Variants in ARHGEF6 observed in about 807,000 individuals in gnomAD.
ARHGEF6 encodes rho guanine nucleotide exchange factor 6.
In ARHGEF6, 9 loss-of-function variants were observed where a neutral mutation model predicts 70.3. That is an observed-to-expected ratio of 0.13 (90% confidence interval 0.08 to 0.22). ARHGEF6 has a LOEUF of 0.22. Among genes scored for constraint, ARHGEF6 ranks in the 10% least tolerant of loss-of-function variants. ARHGEF6 has a pLI of 1.00. For synonymous variants in ARHGEF6, 201 were observed against 207.8 expected (o/e 0.97, Z 0.28); for missense variants, 470 against 563.0 (o/e 0.83, Z 1.67).
At chrX:136,769,063 T>C (rs1383303706) in intron 2 of ARHGEF6, among the ~76,000 whole-genome samples, 3 of 111,010 alleles carry the variant, frequency 2.7e-5, no homozygotes, top group East Asian at 2.8e-4. Flanking sequence ...TAAGTACTAA[T>C]TGAATCTCAT....
At chrX:136,695,088 A>C (rs2076497333) in intron 9 of ARHGEF6, among the ~76,000 whole-genome samples, 3 of 112,152 alleles carry the variant, frequency 2.7e-5, no homozygotes, top group Admixed American at 1.9e-4. Flanking sequence ...TTCAGCTGAA[A>C]TCTTCATCTA....
chrX:136,680,393 C>T (rs1288493577), intron 15 of ARHGEF6, among the ~76,000 whole-genome samples: 1 of 112,402 alleles, frequency 8.9e-6, no homozygotes, highest in Non-Finnish European at 1.9e-5. Context: ...ACTTAGCCCA[C>T]TGTTAGTAGG....
At chrX:136,771,536 A>G (rs1229657982) in intron 2 of ARHGEF6, among the ~76,000 whole-genome samples, 1 of 112,507 alleles carries the variant, frequency 8.9e-6, no homozygotes, top group Non-Finnish European at 1.9e-5. Context: ...TATGCAAAAG[A>G]ATGAATTTGG....
rs34077217 is a variant in ARHGEF6 at position 136,681,784 on chromosome X, T to C, written c.1558+106A>G. Reference sequence around the variant, plus strand: ...ATACTTTGCCATGCCCGCATAAAATTTGCTCGTGGCCTATGTAACAGGAAA... The same window carrying C: ...ATACTTTGCCATGCCCGCATAAAATCTGCTCGTGGCCTATGTAACAGGAAA... On this transcript the variant is annotated intron_variant, in intron 14 of 21. Coordinates refer to ENST00000250617, the MANE Select transcript of ARHGEF6 (RefSeq NM_004840.3). 4,634 of 696,023 alleles carry C rather than the reference T, an allele frequency of 6.7e-3. 25 individuals are homozygous for C. Among genetic ancestry groups the C allele is most frequent in the Non-Finnish European group, 9.5e-3 (4,178 of 441,504 alleles). 57.4% of individuals were successfully genotyped at this position (696,023 alleles called of 1,213,427 possible).
intron 2 of ARHGEF6, among the ~76,000 whole-genome samples, chrX:136,753,585 G>C (rs1233324108): frequency 2.7e-5 from 3 of 111,395 alleles, no homozygotes; most frequent in African/African-American, 9.8e-5. Flanking sequence ...CTCATAAAAG[G>C]CCAATGCATA....
At chrX:136,735,539 T>C (rs1441252858) in intron 5 of ARHGEF6, among the ~76,000 whole-genome samples, 2 of 111,311 alleles carry the variant, frequency 1.8e-5, no homozygotes, top group Non-Finnish European at 3.8e-5. Context: ...GGTGGTGTTC[T>C]AAGGCAATGA....
intron 2 of ARHGEF6, among the ~76,000 whole-genome samples, chrX:136,775,369 C>G (rs185496656): frequency 1.2e-3 from 129 of 111,827 alleles, no homozygotes; most frequent in Admixed American, 3.6e-3. Context: ...GGTTTCATAC[C>G]AGGGATGCAG....
At chrX:136,701,391 C>T (rs1476859041) in intron 9 of ARHGEF6, among the ~76,000 whole-genome samples, 1 of 111,612 alleles carries the variant, frequency 9.0e-6, no homozygotes, top group African/African-American at 3.3e-5. Context: ...GGGAAAAACA[C>T]CTTACCTGTA....
At chrX:136,707,161 A>G in intron 8 of ARHGEF6, 131 bp from the exon 9 acceptor site, 1 of 812,765 alleles carries the variant, frequency 1.2e-6, no homozygotes, top group Non-Finnish European at 1.8e-6. Flanking sequence ...AAACTATATT[A>G]TAACCATTTT....
At chrX:136,775,496 TCCCTTTATGATTAAAAC>T (rs2077397452) in intron 2 of ARHGEF6, among the ~76,000 whole-genome samples, 1 of 111,737 alleles carries the variant, frequency 8.9e-6, no homozygotes, top group Non-Finnish European at 1.9e-5. Flanking sequence ...AAATCCAGCA[TCCCTTTATGATTAAAAC>T]CCTCCACAAA....
rs761517569 is a variant in ARHGEF6 at position 136,681,869 on chromosome X, GAA to G, written c.1558+19_1558+20del. 6.9e-5 allele frequency: 80 copies of G among 1,160,948 alleles called. 1 individual carries two copies. Among genetic ancestry groups the G allele is most frequent in the Non-Finnish European group, 9.0e-5 (77 of 850,845 alleles). On this transcript the variant is annotated intron_variant, in intron 14 of 21. Transcript: ENST00000250617. ...CAAAAAGAATTGGAAGTAGTTACATGAAAAAGAGAAAATTACCTACCAGTGAT... is the reference window on the plus strand; with the variant it reads ...CAAAAAGAATTGGAAGTAGTTACATGAAAGAGAAAATTACCTACCAGTGAT...
Position 136,666,386 on chromosome X carries a change from C to T in ARHGEF6, c.*1643G>A, listed in dbSNP as rs2076161588. On this transcript the variant is annotated 3_prime_UTR_variant, in exon 22 of 22. Coordinates refer to ENST00000250617, the MANE Select transcript of ARHGEF6 (RefSeq NM_004840.3). ...TTTGTTTTTTCAGAGACAGAGGTGT[C>T]TCTCTGTTACCTAGGTTGGAGTGCA... is the stretch of plus-strand genomic sequence containing the variant. The T allele has an allele frequency of 8.9e-6, 1 of 111,799 alleles. No homozygotes were observed. The highest frequency in any genetic ancestry group is 1.9e-5 in the Non-Finnish European group (1 of 53,119). 9.2% of individuals were successfully genotyped at this position (111,799 alleles called of 1,213,427 possible).
At chrX:136,764,634 T>C (rs1281874549) in intron 2 of ARHGEF6, among the ~76,000 whole-genome samples, 1 of 111,095 alleles carries the variant, frequency 9.0e-6, no homozygotes, top group Non-Finnish European at 1.9e-5. Context: ...TGCCCCTTGG[T>C]GAGGCATAGT....
chrX:136,703,700 T>C lies in ARHGEF6; in HGVS notation c.1046+3208A>G, dbSNP rs189081414. 7.9e-4 allele frequency among the ~76,000 whole-genome samples: 88 copies of C among 111,972 alleles called. 1 individual carries two copies. Among genetic ancestry groups the C allele is most frequent in the African/African-American group, 2.8e-3 (86 of 30,859 alleles). The stretch of plus-strand genomic sequence containing the variant: ...AGCATGCCCAGCTAATTTTGTATTT[T>C]TAGTAGAGATGGGGTTTCTCCATGT... On this transcript the variant is annotated intron_variant, in intron 9 of 21. Coordinates refer to ENST00000250617, the MANE Select transcript of ARHGEF6 (RefSeq NM_004840.3).
Position 136,758,031 on chromosome X carries a change from C to CTTTTTTTTTTTTTTTTTTT in ARHGEF6, c.250-10458_250-10440dup, listed in dbSNP as rs1164537601. 9.3e-4 allele frequency among the ~76,000 whole-genome samples: 13 copies of CTTTTTTTTTTTTTTTTTTT among 14,032 alleles called. 5 individuals carry two copies. Among genetic ancestry groups the CTTTTTTTTTTTTTTTTTTT allele is most frequent in the East Asian group, 5.7e-3 (2 of 353 alleles). The allele number at this position is 14,032 out of a possible 115,157, so 12.2% of individuals were successfully genotyped here. On this transcript the variant is annotated intron_variant, in intron 2 of 21. Transcript: ENST00000250617. ...TTCCATCACCTGCTAAAAATAAATT[C>CTTTTTTTTTTTTTTTTTTT]TTTTTTTTTTTTTTTTTTTTTTTTT...
chrX:136,712,780 A>G (rs1469697849), intron 7 of ARHGEF6, among the ~76,000 whole-genome samples: 1 of 112,412 alleles, frequency 8.9e-6, no homozygotes, highest in Non-Finnish European at 1.9e-5. Flanking sequence ...AAAACACTTT[A>G]GCATCTCTTT....
In ARHGEF6 at chrX:136,706,981, G is replaced by A. The variant is rs765933322; in HGVS notation, c.973C>T (p.Pro325Ser). 6 of 1,210,279 alleles carry A rather than the reference G, an allele frequency of 5.0e-6. No individual in the cohort carries two copies. Among genetic ancestry groups the A allele is most frequent in the Non-Finnish European group, 4.5e-6 (4 of 894,055 alleles). ...GCCAGATACATAGATTTAAAATGAG[G>A]CATGAGACTCAGTAGACAACCTCCT... The part of the protein sequence containing the change: ...KVGGCLLSLM[P>S]HFKSMYLAYC... The change falls in exon 9 of 22, where the codon CCT becomes TCT. Residue 325 changes from proline (P) to serine (S), a missense_variant. This residue lies in a region of ARHGEF6 where 379 missense variants were observed against 449.3 expected (regional missense o/e 0.84). Transcript: ENST00000250617.
At chrX:136,749,824 A>G (rs2077132794) in intron 2 of ARHGEF6, among the ~76,000 whole-genome samples, 1 of 111,831 alleles carries the variant, frequency 8.9e-6, no homozygotes, top group Non-Finnish European at 1.9e-5. Flanking sequence ...GGGAACTGCT[A>G]GAGAAAGCAA....
intron 3 of ARHGEF6, among the ~76,000 whole-genome samples, 154 bp downstream of exon 3, chrX:136,747,354 C>G (rs2077104134): frequency 9.0e-6 from 1 of 110,713 alleles, no homozygotes; most frequent in Non-Finnish European, 1.9e-5. Flanking sequence ...ATGAAAAATT[C>G]AAGCATTTGA....
Sources: allele counts gnomAD v4.1 joint callset (sites outside exome capture counted in the v4.1 genomes callset), GRCh38; gene constraint gnomAD v4.1.1; regional missense constraint gnomAD v4.1.1; transcripts MANE v1.5; gene names NCBI Gene and HGNC (gene_info 2026-07-23, HGNC 2026-07-21).